Variants in AQP1 observed in about 807,000 individuals in gnomAD.
The protein encoded by AQP1 is aquaporin 1 (Colton blood group).
Under a neutral mutation model 19.7 loss-of-function variants are expected in AQP1, and 11 were observed. That is an observed-to-expected ratio of 0.56 (90% CI 0.35 to 0.92). AQP1 has a LOEUF of 0.92. Among genes scored for constraint, AQP1 ranks in the 40% least tolerant of loss-of-function variants. The pLI is 0.01. For missense variants in AQP1, 320 were observed against 369.7 expected, an observed-to-expected ratio of 0.87 and a Z score of 1.10; for synonymous variants, 159 against 166.7, an observed-to-expected ratio of 0.95 and a Z score of 0.36.
At position 30,921,845 on chromosome 7, in the gene AQP1, GGGGCT is replaced by G. The variant is rs1401265333; in HGVS notation, c.385-213_385-209del. Reference sequence around the variant, plus strand: ...GGGGCCTGGGTCTAGGCAGGTATTAGGGGCTGGGCTGGAGTTTCATTAACACAGGG... The same window carrying G: ...GGGGCCTGGGTCTAGGCAGGTATTAGGGGCTGGAGTTTCATTAACACAGGG... On this transcript the variant is annotated intron_variant, in intron 1 of 3. Transcript: ENST00000311813. 7 of 1,545,248 alleles carry G rather than the reference GGGGCT, an allele frequency of 4.5e-6. No homozygotes were observed. In the African/African-American group the frequency reaches 9.6e-5, roughly 21 times the overall value.
chr7:30,915,948 G>A (rs1462687887), intron 1 of AQP1, among the ~76,000 whole-genome samples: 2 of 152,184 alleles, frequency 1.3e-5, no homozygotes, highest in African/African-American at 4.8e-5. Context: ...GGGGCTGGGG[G>A]CTGGGTGGTG....
intron 1 of AQP1, among the ~76,000 whole-genome samples, chr7:30,917,660 A>G (rs1791391921): frequency 2.6e-5 from 4 of 152,294 alleles, no homozygotes; most frequent in Admixed American, 6.5e-5. Context: ...CCTGTATGAT[A>G]TAGCTGTTCC....
At position 30,912,073 on chromosome 7, in the gene AQP1, C is replaced by T. The variant is rs1791180555; in HGVS notation, c.164C>T (p.Ala55Val). The change falls in exon 1 of 4, where the codon GCC (alanine) becomes GTC (valine). Residue 55 changes from alanine to valine, a missense_variant. Physicochemically the swap from Ala to Val is moderately conservative, Grantham distance 64 (BLOSUM62 0). Coordinates refer to ENST00000311813, the MANE Select transcript of AQP1 (RefSeq NM_198098.4). This position sits in a 1 kb window ranked among gnomAD's most constrained non-coding sequence, Gnocchi z 4.3. ...AVQDNVKVSL[A>V]FGLSIATLAQ... ...CAGGACAACGTGAAGGTGTCGCTGGCCTTCGGGCTGAGCATCGCCACGCTG... is the reference window on the plus strand; with the variant it reads ...CAGGACAACGTGAAGGTGTCGCTGGTCTTCGGGCTGAGCATCGCCACGCTG... The T allele has an allele frequency of 1.9e-6, 3 of 1,613,324 alleles. No individual in the cohort carries two copies. The highest frequency in any genetic ancestry group is 2.5e-6 in the Non-Finnish European group (3 of 1,180,048).
chr7:30,921,782 C>T, intron 1 of AQP1: 1 of 1,550,668 alleles, frequency 6.4e-7, no homozygotes, highest in Non-Finnish European at 8.7e-7. Context: ...TGCAAAGGCC[C>T]CAGCTCACCC....
chr7:30,912,046 T>G lies in AQP1; in HGVS notation c.137T>G (p.Val46Gly). The change falls in exon 1 of 4, where the codon GTC (valine) becomes GGC (glycine). Residue 46 changes from valine to glycine, a missense_variant. Transcript: ENST00000311813. The surrounding 1 kb of genome is among the most constrained non-coding windows in gnomAD (Gnocchi z 4.3). The stretch of plus-strand genomic sequence containing the variant: ...CCGGTGGGGAACAACCAGACGGCGG[T>G]CCAGGACAACGTGAAGGTGTCGCTG... ...KYPVGNNQTA[V>G]QDNVKVSLAF... 2 of 1,613,444 alleles carry G rather than the reference T, an allele frequency of 1.2e-6. No homozygotes were observed. The highest frequency in any genetic ancestry group is 1.7e-6 in the Non-Finnish European group (2 of 1,180,026).
intron 1 of AQP1, among the ~76,000 whole-genome samples, chr7:30,918,001 A>ATT (rs1405829768): frequency 7.0e-6 from 1 of 143,848 alleles, no homozygotes; most frequent in Non-Finnish European, 1.5e-5. Context: ...ATAGATTTTT[A>ATT]TTTTTTTTTT....
intron 1 of AQP1, among the ~76,000 whole-genome samples, chr7:30,917,500 A>AT (rs955623746): frequency 1.3e-5 from 2 of 152,074 alleles, no homozygotes; most frequent in African/African-American, 4.8e-5. Context: ...TGGGGGGCTC[A>AT]TTTTTTTCTC....
In AQP1 at chr7:30,923,635, G is replaced by T; in HGVS notation, c.*6G>T. 1.9e-6 allele frequency: 3 copies of T among 1,566,714 alleles called. No individual in the cohort carries two copies. The highest frequency in any genetic ancestry group is 2.7e-5 in the East Asian group (1 of 36,980). Reference sequence around the variant, plus strand: ...TGGAGATGAAGCCCAAATAGAAGGGGTCTGGCCCGGGCATCCACGTAGGGG... The same window carrying T: ...TGGAGATGAAGCCCAAATAGAAGGGTTCTGGCCCGGGCATCCACGTAGGGG... On this transcript the variant is annotated 3_prime_UTR_variant, in exon 4 of 4. Coordinates refer to ENST00000311813, the MANE Select transcript of AQP1 (RefSeq NM_198098.4). This position sits in a 1 kb window ranked among gnomAD's most constrained non-coding sequence, Gnocchi z 4.8.
chr7:30,920,308 G>T (rs1190691106), intron 1 of AQP1, among the ~76,000 whole-genome samples: 1 of 152,190 alleles, frequency 6.6e-6, no homozygotes, highest in Non-Finnish European at 1.5e-5. Flanking sequence ...CTTCCTGAGG[G>T]CTCAGATACA....
chr7:30,923,406 G>A lies in AQP1; in HGVS notation c.631-44G>A. The A allele has an allele frequency of 6.2e-7, 1 of 1,613,004 alleles. No homozygotes were observed. The highest frequency in any genetic ancestry group is 8.5e-7 in the Non-Finnish European group (1 of 1,179,756). ...GGTAACCTAGGGAACGCTTCCCAGG[G>A]GCTTTTGAGTGGAGCCCTCTGAACA... is the stretch of plus-strand genomic sequence containing the variant. On this transcript the variant is annotated intron_variant, in intron 3 of 3. Coordinates refer to ENST00000311813, the MANE Select transcript of AQP1 (RefSeq NM_198098.4). The surrounding 1 kb of genome is among the most constrained non-coding windows in gnomAD (Gnocchi z 4.8).
chr7:30,922,580 G>T lies in AQP1; in HGVS notation c.566G>T (p.Cys189Phe), dbSNP rs751213937. ...GHLLAIDYTG[C>F]GINPARSFGS... is the part of the protein sequence containing the mutation. ...CCCTCACAGATTGACTACACTGGCT[G>T]TGGGATTAACCCTGCTCGGTCCTTT... Residue 189 changes from cysteine (C) to phenylalanine (F), a missense_variant, in exon 3 of 4, where the codon TGT (cysteine) becomes TTT (phenylalanine). Transcript: ENST00000311813. The T allele has an allele frequency of 6.2e-7, 1 of 1,614,158 alleles. No individual in the cohort carries two copies. Among genetic ancestry groups the T allele is most frequent in the Non-Finnish European group, 8.5e-7 (1 of 1,180,010 alleles).
At chr7:30,914,792 T>C (rs1019408641) in intron 1 of AQP1, among the ~76,000 whole-genome samples, 8 of 152,210 alleles carry the variant, frequency 5.3e-5, no homozygotes, top group African/African-American at 1.9e-4. Context: ...CAGAGAAAGA[T>C]GTGGCAGGAA....
At chr7:30,919,143 C>A (rs904431657) in intron 1 of AQP1, among the ~76,000 whole-genome samples, 3 of 152,226 alleles carry the variant, frequency 2.0e-5, no homozygotes, top group African/African-American at 7.2e-5. Flanking sequence ...CCACTTCTAT[C>A]AGCACACAGT....
At chr7:30,919,556 CTTTT>C (rs138132377) in intron 1 of AQP1, among the ~76,000 whole-genome samples, 1,645 of 138,656 alleles carry the variant, frequency 0.012, 30 homozygotes, top group African/African-American at 0.039. Flanking sequence ...CTGATTCTTA[CTTTT>C]TTTTTTTTTT....
intron 2 of AQP1, 52 bp downstream of exon 2, chr7:30,922,282 G>T: frequency 6.5e-7 from 1 of 1,535,660 alleles, no homozygotes; most frequent in Non-Finnish European, 8.7e-7. Context: ...GGCGGGGGCT[G>T]GTGGGGTGCC....
chr7:30,913,697 C>T (rs1791229710), intron 1 of AQP1, among the ~76,000 whole-genome samples: 1 of 152,206 alleles, frequency 6.6e-6, no homozygotes, highest in Admixed American at 6.5e-5. Flanking sequence ...GTCACGGTGA[C>T]ACCTCACCCA....
At chr7:30,922,284 T>C in intron 2 of AQP1, 54 bp downstream of exon 2, 1 of 1,532,086 alleles carries the variant, frequency 6.5e-7, no homozygotes, top group Non-Finnish European at 8.7e-7. Context: ...CGGGGGCTGG[T>C]GGGGTGCCCT....
At chr7:30,918,430 A>T (rs1727467611) in intron 1 of AQP1, among the ~76,000 whole-genome samples, 2 of 152,240 alleles carry the variant, frequency 1.3e-5, no homozygotes, top group Admixed American at 6.5e-5. Context: ...AAAGACACAC[A>T]GAGGCACACA....
Position 30,912,082 on chromosome 7 carries a change from T to C in AQP1, c.173T>C (p.Leu58Pro). The part of the protein sequence containing the change: ...DNVKVSLAFG[L>P]SIATLAQSVG... ...GTGAAGGTGTCGCTGGCCTTCGGGC[T>C]GAGCATCGCCACGCTGGCGCAGAGT... is the stretch of plus-strand genomic sequence containing the variant. Residue 58 changes from leucine (L) to proline (P), a missense_variant, in exon 1 of 4, where the codon CTG (leucine) becomes CCG (proline). Leu to Pro is a moderately conservative substitution (Grantham distance 98). Coordinates refer to ENST00000311813, the MANE Select transcript of AQP1 (RefSeq NM_198098.4). This position sits in a 1 kb window ranked among gnomAD's most constrained non-coding sequence, Gnocchi z 4.3. The C allele has an allele frequency of 6.2e-7, 1 of 1,613,362 alleles. No individual in the cohort carries two copies. Among genetic ancestry groups the C allele is most frequent in the South Asian group, 1.1e-5 (1 of 91,086 alleles).
Sources: allele counts gnomAD v4.1 joint callset (sites outside exome capture counted in the v4.1 genomes callset), GRCh38; gene constraint gnomAD v4.1.1; non-coding constraint Gnocchi (gnomAD v3.1); transcripts MANE v1.5; gene names NCBI Gene and HGNC (gene_info 2026-07-23, HGNC 2026-07-21).